The following SPSB4 variants were observed in gnomAD, a reference collection of about 807,000 sequenced individuals.
The protein encoded by SPSB4 is SPRY domain-containing SOCS box protein 4.
In SPSB4, 21 loss-of-function variants were observed where a neutral mutation model predicts 20.9. That is an observed-to-expected ratio of 1.01 (90% CI 0.71 to 1.45). SPSB4 has a LOEUF of 1.45. Ranked by LOEUF, SPSB4 falls within the 40% of genes most tolerant of loss-of-function variation. SPSB4 has a pLI of 0.00. For synonymous variants in SPSB4, 207 were observed against 183.8 expected, an observed-to-expected ratio of 1.13 and a Z score of -1.02; for missense variants, 399 against 399.2, an observed-to-expected ratio of 1.00 and a Z score of 0.00.
chr3:141,087,100 G>C (rs921726179), intron 2 of SPSB4, among the ~76,000 whole-genome samples: 1 of 152,234 alleles, frequency 6.6e-6, no homozygotes, highest in Non-Finnish European at 1.5e-5. Context: ...GGGCTTCTGA[G>C]CCTTCACAGC....
chr3:141,094,753 T>C (rs957122223), intron 2 of SPSB4, among the ~76,000 whole-genome samples: 33 of 151,716 alleles, frequency 2.2e-4, no homozygotes, highest in African/African-American at 7.8e-4. Flanking sequence ...AGGTTCTCCC[T>C]TGTGCCCTGC....
chr3:141,086,023 T>C (rs550485318), intron 2 of SPSB4, among the ~76,000 whole-genome samples: 1 of 152,304 alleles, frequency 6.6e-6, no homozygotes, highest in South Asian at 2.1e-4. Flanking sequence ...GGTTGGAGCA[T>C]GAATTAGGAG....
rs1332582238 is a variant in SPSB4 at position 141,134,036 on chromosome 3, T to TTTTC, written c.695-13103_695-13102insCTTT. On this transcript the variant is annotated intron_variant, in intron 2 of 2. Transcript: ENST00000310546. ...ATTTTTCCTTTTTTTTTTTCTTTTC[T>TTTTC]TTTTTTTTTTTTCTTTTTTCTTTTT... is the stretch of plus-strand genomic sequence containing the variant. Among the ~76,000 whole-genome samples the TTTTC allele has an allele frequency of 9.3e-3, 923 of 98,972 alleles. 20 individuals carry two copies. Among genetic ancestry groups the TTTTC allele is most frequent in the African/African-American group, 0.043 (857 of 19,926 alleles). The allele number at this position is 98,972 out of a possible 152,430, so 64.9% of individuals were successfully genotyped here.
intron 2 of SPSB4, among the ~76,000 whole-genome samples, chr3:141,137,599 G>C (rs187375762): frequency 6.6e-6 from 1 of 152,252 alleles, no homozygotes; most frequent in South Asian, 2.1e-4. Flanking sequence ...AAATCATGTG[G>C]TTTTTGTCAT....
intron 2 of SPSB4, among the ~76,000 whole-genome samples, chr3:141,068,243 G>A (rs1194838995): frequency 6.6e-6 from 1 of 152,208 alleles, no homozygotes; most frequent in Non-Finnish European, 1.5e-5. Flanking sequence ...TATTTCCGTG[G>A]TTGTTGCCTA....
chr3:141,056,218 G>T (rs1397119515), intron 1 of SPSB4, among the ~76,000 whole-genome samples: 2 of 152,228 alleles, frequency 1.3e-5, no homozygotes, highest in African/African-American at 2.4e-5. Flanking sequence ...GAAATGTCAT[G>T]TATGGTGAAC....
intron 2 of SPSB4, among the ~76,000 whole-genome samples, chr3:141,137,315 A>G (rs192856712): frequency 2.4e-3 from 359 of 152,246 alleles, no homozygotes; most frequent in African/African-American, 8.3e-3. Context: ...CTCTTTTCCT[A>G]ATTGAATGCC....
At chr3:141,138,965 T>A (rs957759184) in intron 2 of SPSB4, among the ~76,000 whole-genome samples, 80 of 152,102 alleles carry the variant, frequency 5.3e-4, no homozygotes, top group Admixed American at 4.1e-3. Context: ...ATTGTGTGGG[T>A]GTCTAAGTCT....
intron 2 of SPSB4, among the ~76,000 whole-genome samples, chr3:141,090,270 G>C (rs1348140111): frequency 6.6e-6 from 1 of 152,140 alleles, no homozygotes; most frequent in Non-Finnish European, 1.5e-5. Flanking sequence ...AGGCACTGAG[G>C]ACACAAAACA....
chr3:141,112,644 C>CAAAAAAAAAAAAAAAAAAA (rs60396514), intron 2 of SPSB4, among the ~76,000 whole-genome samples: 3 of 32,882 alleles, frequency 9.1e-5, no homozygotes, highest in Non-Finnish European at 1.2e-4. Flanking sequence ...GACTCCGTCT[C>CAAAAAAAAAAAAAAAAAAA]AAAAAAAAAA....
chr3:141,107,593 G>A (rs1427919721), intron 2 of SPSB4, among the ~76,000 whole-genome samples: 1 of 152,214 alleles, frequency 6.6e-6, no homozygotes, highest in East Asian at 1.9e-4. Flanking sequence ...TGTCTTGCAT[G>A]TGAATATCAT....
intron 1 of SPSB4, among the ~76,000 whole-genome samples, chr3:141,054,399 TCAA>T (rs1936146938): frequency 6.6e-6 from 1 of 152,144 alleles, no homozygotes; most frequent in Non-Finnish European, 1.5e-5. Flanking sequence ...TAAGAAAAGA[TCAA>T]CTATAAAAAA....
Position 141,147,733 on chromosome 3 carries a change from C to T in SPSB4, c.*464C>T, listed in dbSNP as rs552191448. On this transcript the variant is annotated 3_prime_UTR_variant, in exon 3 of 3. Coordinates refer to ENST00000310546, the MANE Select transcript of SPSB4 (RefSeq NM_080862.3). ...AATGATGAAAGCCTGACGCCGTGCC[C>T]CTCCTGGCCCATACGCCTTGCCAGG... 26 of 168,054 alleles carry T rather than the reference C, an allele frequency of 1.5e-4. 1 individual carries two copies. The South Asian group carries it at 4.1e-3, about 26-fold the overall frequency. The allele number at this position is 168,054 out of a possible 1,614,324, so 10.4% of individuals were successfully genotyped here. A position where few individuals can be genotyped will look rare whatever the true frequency, so the allele number is the denominator to read the frequency against.
chr3:141,068,364 T>C (rs944261922), intron 2 of SPSB4, among the ~76,000 whole-genome samples: 3 of 152,228 alleles, frequency 2.0e-5, no homozygotes, highest in African/African-American at 7.2e-5. Context: ...TCACAGTGCC[T>C]TGTGGAAAGT....
intron 2 of SPSB4, among the ~76,000 whole-genome samples, chr3:141,123,878 A>G (rs1188152371): frequency 1.3e-5 from 2 of 152,160 alleles, no homozygotes; most frequent in East Asian, 1.9e-4. Context: ...ATGTCCAACC[A>G]TTGTGCAGCT....
In SPSB4 at chr3:141,066,152, G is replaced by A; in HGVS notation, c.48G>A (p.Glu16=). ...GCCTCAAGTCAGTGGAGGTGCGAGA[G>A]CCGGCGCTGCGGCCGGCCAAGCGGG... The part of the protein sequence containing the change: ...SGSLKSVEVR[E]PALRPAKREL... Residue 16 remains glutamate (E), a synonymous_variant, in exon 2 of 3, where the codon GAG becomes GAA. Transcript: ENST00000310546. The A allele has an allele frequency of 6.5e-7, 1 of 1,532,706 alleles. No individual in the cohort carries two copies. Among genetic ancestry groups the A allele is most frequent in the South Asian group, 1.2e-5 (1 of 83,354 alleles). 94.9% of individuals were successfully genotyped at this position (1,532,706 alleles called of 1,614,324 possible). A position where few individuals can be genotyped will look rare whatever the true frequency, so the allele number is the denominator to read the frequency against.
At chr3:141,121,838 T>C (rs1341490730) in intron 2 of SPSB4, among the ~76,000 whole-genome samples, 1 of 152,240 alleles carries the variant, frequency 6.6e-6, no homozygotes, top group African/African-American at 2.4e-5. Flanking sequence ...GGTTTTTAGC[T>C]TCCTTGCAAT....
chr3:141,095,765 C>T (rs1168332785), intron 2 of SPSB4, among the ~76,000 whole-genome samples: 1 of 152,110 alleles, frequency 6.6e-6, no homozygotes, highest in African/African-American at 2.4e-5. Context: ...GGCAGAGGTA[C>T]TGTCCCAGGA....
At chr3:141,056,391 G>T (rs973745795) in intron 1 of SPSB4, among the ~76,000 whole-genome samples, 2 of 152,114 alleles carry the variant, frequency 1.3e-5, no homozygotes, top group Non-Finnish European at 2.9e-5. Context: ...CTCCCTCCCC[G>T]ATCCTGCTCC....
Sources: gnomAD v4.1 joint callset for allele counts (sites outside exome capture counted in the v4.1 genomes callset) on GRCh38, gnomAD v4.1.1 for gene constraint, MANE v1.5 for transcripts, NCBI Gene and HGNC (gene_info 2026-07-23, HGNC 2026-07-21) for gene names.